Variants in LAMB4 observed in about 807,000 individuals in gnomAD.
LAMB4 encodes the protein laminin subunit beta-4.
A neutral mutation model predicts 199.2 loss-of-function variants in LAMB4; 196 were observed. That is an observed-to-expected ratio of 0.98 (90% CI 0.88 to 1.11). The LOEUF is 1.11. Ranked by LOEUF, LAMB4 falls within the 50% of genes least tolerant of loss-of-function variation. The probability of loss-of-function intolerance (pLI) is 0.00; values close to 1 mark genes in which losing one functional copy is unlikely to be tolerated. For synonymous variants in LAMB4, 744 were observed against 770.6 expected, an observed-to-expected ratio of 0.97 and a Z score of 0.57; for missense variants, 2,080 against 2,171.2, an observed-to-expected ratio of 0.96 and a Z score of 0.83.
intron 30 of LAMB4, 107 bp downstream of exon 30, chr7:108,037,281 A>G: frequency 3.5e-6 from 3 of 852,716 alleles, no homozygotes; most frequent in Non-Finnish European, 5.6e-6. Context: ...GAACTATCAG[A>G]AGGTAATTTC....
At chr7:108,100,198 A>G (rs1176790469) in intron 10 of LAMB4, among the ~76,000 whole-genome samples, 1 of 152,216 alleles carries the variant, frequency 6.6e-6, no homozygotes, top group Non-Finnish European at 1.5e-5. Context: ...AGTCTAATTG[A>G]ATGTCTTGGT....
intron 25 of LAMB4, among the ~76,000 whole-genome samples, chr7:108,053,456 C>T (rs1318105933): frequency 6.6e-6 from 1 of 152,150 alleles, no homozygotes; most frequent in African/African-American, 2.4e-5. Flanking sequence ...CAGGGTGCCC[C>T]ACAGCGAGGC....
At chr7:108,018,727 C>G (rs567240517), downstream of LAMB4, among the ~76,000 whole-genome samples, 1 of 152,156 alleles carries the variant, frequency 6.6e-6, no homozygotes, top group Admixed American at 6.5e-5. Flanking sequence ...AAAAAAGAGG[C>G]CCTCCTACAC....
At chr7:108,091,836 G>A (rs1355383925) in intron 13 of LAMB4, 60 bp from the exon 14 acceptor site, 3 of 1,556,456 alleles carry the variant, frequency 1.9e-6, no homozygotes. Context: ...AAATGAAGGT[G>A]TAGGGGTGCT....
rs1011461063 is a variant in LAMB4 at position 108,057,840 on chromosome 7, C to T, written c.3371G>A (p.Arg1124Gln). The stretch of plus-strand genomic sequence containing the variant: ...GAAATCCCAATACTTACGAATGCAT[C>T]GCCCAGGTGGATCACCATAATAATT... ...QENYYGDPPG[R>Q]CIPCDCNRAG... Residue 1124 changes from arginine to glutamine, a missense_variant, in exon 24 of 34, where the codon CGA becomes CAA. Arg to Gln is a conservative substitution (Grantham distance 43, BLOSUM62 1). Transcript: ENST00000388781. The T allele has an allele frequency of 9.3e-6, 15 of 1,608,966 alleles. No homozygotes were observed. The East Asian group carries it at 1.1e-4, about 12-fold the overall frequency.
intron 14 of LAMB4, among the ~76,000 whole-genome samples, chr7:108,084,784 C>CTTTTTTTTTTTTTTTTTTTTTTTT (rs745640979): frequency 1.0e-5 from 1 of 96,526 alleles, no homozygotes. Flanking sequence ...CCAAGGAATC[C>CTTTTTTTTTTTTTTTTTTTTTTTT]TTTTTTTTTT....
At chr7:108,037,801 G>T (rs2035282925) in intron 29 of LAMB4, among the ~76,000 whole-genome samples, 2 of 152,194 alleles carry the variant, frequency 1.3e-5, no homozygotes. Context: ...CTCACTGAGT[G>T]CTGAATACTT....
intron 24 of LAMB4, 33 bp from the exon 25 acceptor site, chr7:108,056,040 C>T: frequency 1.9e-6 from 3 of 1,558,482 alleles, no homozygotes; most frequent in Non-Finnish European, 2.6e-6. Context: ...CAGAGAATGT[C>T]ACTGGGCCTT....
At chr7:108,123,092 A>G (rs754248920) in intron 2 of LAMB4, 39 bp downstream of exon 2, 3 of 1,567,646 alleles carry the variant, frequency 1.9e-6, no homozygotes, top group East Asian at 2.3e-5. Flanking sequence ...ATTTTAGGAC[A>G]GCGCAAGCAG....
chr7:108,035,183 C>T (rs976512027), intron 30 of LAMB4, among the ~76,000 whole-genome samples: 6 of 152,092 alleles, frequency 3.9e-5, no homozygotes, highest in Non-Finnish European at 7.4e-5. Flanking sequence ...TACCAGTGTC[C>T]ATTTTTTCTA....
At chr7:108,044,884 C>A (rs181589033) in intron 28 of LAMB4, among the ~76,000 whole-genome samples, 56 of 135,360 alleles carry the variant, frequency 4.1e-4, no homozygotes, top group African/African-American at 1.6e-3. Context: ...ATCCAGGAGG[C>A]GGAGGTTGCA....
chr7:108,015,849 G>A, the LAMB4 span, among the ~76,000 whole-genome samples: 1 of 144,982 alleles, frequency 6.9e-6, no homozygotes, highest in East Asian at 2.1e-4. Flanking sequence ...CTAATCTCAA[G>A]AAACATGCTA....
At position 108,096,977 on chromosome 7, in the gene LAMB4, A is replaced by C. The variant is rs537528588; in HGVS notation, c.1360+1426T>G. Among the ~76,000 whole-genome samples the C allele has an allele frequency of 1.9e-3, 288 of 150,420 alleles. 1 individual carries two copies. The highest frequency in any genetic ancestry group is 3.6e-3 in the Non-Finnish European group (247 of 67,740). Reference sequence around the variant, plus strand: ...AAAAAAAAAAAAAAAAAAAAATTTAAAGCTGGTATACACCCCCACACACCA... The same window carrying C: ...AAAAAAAAAAAAAAAAAAAAATTTACAGCTGGTATACACCCCCACACACCA... On this transcript the variant is annotated intron_variant, in intron 11 of 33. Transcript: ENST00000388781.
At chr7:108,058,273 G>T (rs1209004815) in intron 23 of LAMB4, among the ~76,000 whole-genome samples, 1 of 152,266 alleles carries the variant, frequency 6.6e-6, no homozygotes, top group African/African-American at 2.4e-5. Context: ...ATAAGTGAGT[G>T]AGGCCAAAGA....
chr7:108,083,220 G>C (rs972443545), intron 14 of LAMB4, among the ~76,000 whole-genome samples: 1 of 152,186 alleles, frequency 6.6e-6, no homozygotes, highest in Non-Finnish European at 1.5e-5. Context: ...GGGAGGGTAA[G>C]AGTGTATGTT....
chr7:108,037,292 A>C, intron 30 of LAMB4, 96 bp downstream of exon 30: 1 of 949,556 alleles, frequency 1.1e-6, no homozygotes, highest in South Asian at 1.6e-5. Context: ...AGGTAATTTC[A>C]TTTGAATGCT....
rs752586051 is a variant in LAMB4, at chr7:108,063,877, T to C, written c.2945A>G (p.Glu982Gly). The change falls in exon 22 of 34, where the codon GAG becomes GGG. Residue 982 changes from glutamate (E) to glycine (G), a missense_variant. By Grantham distance (98) the Glu-to-Gly change is moderately conservative. Coordinates refer to ENST00000388781, the MANE Select transcript of LAMB4 (RefSeq NM_007356.3). ...CTCCCCTGTTACCCGGCTGCAGGAC[T>C]CTGGATCGGTTACATCTATGTTGTT... ...CNNNIDVTDP[E>G]SCSRVTGECL... 1.1e-5 allele frequency: 17 copies of C among 1,614,216 alleles called. No homozygotes were observed. The Admixed American group carries it at 2.3e-4, about 22-fold the overall frequency.
intron 23 of LAMB4, among the ~76,000 whole-genome samples, chr7:108,058,274 A>AG (rs1347518366): frequency 6.6e-6 from 1 of 152,270 alleles, no homozygotes; most frequent in African/African-American, 2.4e-5. Flanking sequence ...TAAGTGAGTG[A>AG]GGCCAAAGAC....
chr7:108,036,875 G>A (rs907524967), intron 30 of LAMB4, among the ~76,000 whole-genome samples: 7 of 145,720 alleles, frequency 4.8e-5, no homozygotes, highest in Admixed American at 1.4e-4. Flanking sequence ...AAGGAATTGC[G>A]GTTTTTGCCA....
Sources: allele counts gnomAD v4.1 joint callset (sites outside exome capture counted in the v4.1 genomes callset), GRCh38; gene constraint gnomAD v4.1.1; transcripts MANE v1.5; gene names NCBI Gene and HGNC (gene_info 2026-07-23, HGNC 2026-07-21).